EYS: variants seen among roughly 807,000 people sequenced by gnomAD.
EYS encodes EGF-like photoreceptor maintenance factor.
In EYS, 250 loss-of-function variants were observed where a neutral mutation model predicts 282.1. The ratio of observed to expected loss-of-function variants is 0.89; its 90% CI spans 0.80 to 0.98. The LOEUF is 0.98. Among genes scored for constraint, EYS ranks in the 50% least tolerant of loss-of-function variants. The probability of loss-of-function intolerance (pLI) is 0.00; values close to 1 mark genes in which losing one functional copy is unlikely to be tolerated. For synonymous variants in EYS, 1,355 were observed against 1,282.9 expected, an observed-to-expected ratio of 1.06 and a Z score of -1.20; for missense variants, 4,016 against 3,709.0, an observed-to-expected ratio of 1.08 and a Z score of -2.15.
At chr6:65,084,001 A>T (rs1774295072) in intron 12 of EYS, among the ~76,000 whole-genome samples, 1 of 151,830 alleles carries the variant, frequency 6.6e-6, no homozygotes, top group African/African-American at 2.4e-5. Flanking sequence ...TTTAAATAAA[A>T]TATGCTGAAA....
intron 2 of EYS, among the ~76,000 whole-genome samples, chr6:65,560,941 T>A (rs999932770): frequency 2.0e-5 from 3 of 152,120 alleles, no homozygotes; most frequent in African/African-American, 7.2e-5. Flanking sequence ...CCTGAAGATT[T>A]TTTTTTAAAG....
chr6:65,313,365 A>G (rs558438512), intron 11 of EYS, among the ~76,000 whole-genome samples: 144 of 151,952 alleles, frequency 9.5e-4, no homozygotes, highest in Non-Finnish European at 1.7e-3. Context: ...TGATTAACAC[A>G]TGCTTAAAGG....
chr6:65,477,998 C>A (rs1272545347), intron 5 of EYS, among the ~76,000 whole-genome samples: 2 of 151,994 alleles, frequency 1.3e-5, no homozygotes, highest in Admixed American at 6.5e-5. Flanking sequence ...TAAGAACATC[C>A]CCACATCTCA....
intron 22 of EYS, among the ~76,000 whole-genome samples, chr6:64,719,721 G>A (rs748728329): frequency 9.9e-5 from 15 of 152,148 alleles, no homozygotes; most frequent in Non-Finnish European, 1.5e-4. Flanking sequence ...CCTGGCCAAC[G>A]TGGGAAAACC....
rs116819058 is a variant in EYS at position 65,413,245 on chromosome 6, T to G, written c.863-7878A>C. On this transcript the variant is annotated intron_variant, in intron 5 of 42. Coordinates refer to ENST00000503581, the MANE Select transcript of EYS (RefSeq NM_001142800.2). ...TGAAGCAATTAAAATAATACTTTAA[T>G]TAATTTAGAATAATGTGTCTATTGA... Among the ~76,000 whole-genome samples, 1,095 of 152,290 alleles carry G rather than the reference T, an allele frequency of 7.2e-3. 15 individuals are homozygous for G. The highest frequency in any genetic ancestry group is 0.021 in the African/African-American group (892 of 41,564).
rs188310936 is a variant in EYS at position 65,246,073 on chromosome 6, G to T, written c.2023+49790C>A. Among the ~76,000 whole-genome samples the T allele has an allele frequency of 7.9e-5, 12 of 152,154 alleles. No individual in the cohort carries two copies. In the East Asian group the frequency reaches 1.5e-3, roughly 20 times the overall value. On this transcript the variant is annotated intron_variant, in intron 12 of 42. Transcript: ENST00000503581. ...TCAAATGCAAAATAGCAATGTGAAA[G>T]ATACACAAAATGATTTTTCTCATTC...
At chr6:65,210,931 AACACAC>A (rs59095242) in intron 12 of EYS, among the ~76,000 whole-genome samples, 42 of 148,498 alleles carry the variant, frequency 2.8e-4, no homozygotes, top group African/African-American at 9.9e-4. Context: ...AAGTCGTACA[AACACAC>A]ACACACACAC....
chr6:64,075,715 A>G (rs1437614711), intron 32 of EYS, among the ~76,000 whole-genome samples: 2 of 151,982 alleles, frequency 1.3e-5, no homozygotes, highest in Non-Finnish European at 2.9e-5. Context: ...AAGGTACAAG[A>G]GGAAAGGAGT....
chr6:64,889,754 A>T (rs1438408026), intron 18 of EYS, among the ~76,000 whole-genome samples: 1 of 151,974 alleles, frequency 6.6e-6, no homozygotes, highest in Non-Finnish European at 1.5e-5. Flanking sequence ...GCTGAGGAAG[A>T]TGTATGTCGC....
At chr6:64,130,182 T>C (rs1773924014) in intron 31 of EYS, among the ~76,000 whole-genome samples, 1 of 152,174 alleles carries the variant, frequency 6.6e-6, no homozygotes, top group African/African-American at 2.4e-5. Flanking sequence ...CATGCACATG[T>C]ATGTTTATTG....
chr6:65,248,063 C>G (rs12193329), intron 12 of EYS, among the ~76,000 whole-genome samples: 1 of 151,882 alleles, frequency 6.6e-6, no homozygotes, highest in African/African-American at 2.4e-5. Context: ...GAAAGAAAAG[C>G]AAAAGATACT....
At chr6:64,388,935 T>G in intron 28 of EYS, 95 bp from the exon 29 acceptor site, 9 of 821,932 alleles carry the variant, frequency 1.1e-5, no homozygotes. Context: ...ATAATTTAAG[T>G]AAATAGATTA....
intron 5 of EYS, among the ~76,000 whole-genome samples, chr6:65,460,435 A>G (rs996319063): frequency 6.6e-6 from 1 of 152,048 alleles, no homozygotes; most frequent in Admixed American, 6.6e-5. Context: ...TCTTTTGAGA[A>G]CATATGGTAC....
intron 31 of EYS, among the ~76,000 whole-genome samples, chr6:64,093,966 C>A (rs1046277664): frequency 7.2e-5 from 11 of 151,982 alleles, no homozygotes; most frequent in Non-Finnish European, 1.3e-4. Context: ...TAGCATGAAG[C>A]GTTGTTGAAT....
At chr6:65,428,856 G>A (rs1038338782) in intron 5 of EYS, among the ~76,000 whole-genome samples, 8 of 152,076 alleles carry the variant, frequency 5.3e-5, no homozygotes, top group African/African-American at 1.9e-4. Context: ...TCCCCCACAT[G>A]AGGCACCAAT....
chr6:64,832,454 T>C (rs1361864701), intron 19 of EYS, among the ~76,000 whole-genome samples: 2 of 151,670 alleles, frequency 1.3e-5, no homozygotes, highest in African/African-American at 2.4e-5. Context: ...TGGGAGAAAA[T>C]GCGTAGTTGT....
chr6:64,612,462 A>G (rs1393885158), intron 24 of EYS, among the ~76,000 whole-genome samples: 1 of 152,248 alleles, frequency 6.6e-6, no homozygotes, highest in Admixed American at 6.5e-5. Context: ...AGGACATTCA[A>G]AAATTGTATT....
At chr6:64,318,294 TTC>T (rs1770059881) in intron 29 of EYS, among the ~76,000 whole-genome samples, 2 of 152,066 alleles carry the variant, frequency 1.3e-5, no homozygotes, top group South Asian at 4.1e-4. Context: ...CAATATTTAA[TTC>T]TCTCTCTGGC....
At chr6:64,780,542 G>A (rs538541801) in intron 22 of EYS, among the ~76,000 whole-genome samples, 32 of 152,102 alleles carry the variant, frequency 2.1e-4, no homozygotes, top group Non-Finnish European at 4.3e-4. Flanking sequence ...ACGGGGTTGA[G>A]GGTTGAACAA....
Sources: allele counts gnomAD v4.1 joint callset (sites outside exome capture counted in the v4.1 genomes callset), GRCh38; gene constraint gnomAD v4.1.1; transcripts MANE v1.5; gene names NCBI Gene and HGNC (gene_info 2026-07-23, HGNC 2026-07-21).